HNRNPK: variants seen among roughly 807,000 people sequenced by gnomAD.
The protein encoded by HNRNPK is heterogeneous nuclear ribonucleoprotein K, also known as dC-stretch binding protein.
A neutral mutation model predicts 67.0 loss-of-function variants in HNRNPK; 7 were observed. That is an observed-to-expected ratio of 0.10 (90% CI 0.06 to 0.20). The LOEUF is 0.20. Among genes scored for constraint, HNRNPK ranks in the 10% least tolerant of loss-of-function variants. The probability of loss-of-function intolerance (pLI) is 1.00; values close to 1 mark genes in which losing one functional copy is unlikely to be tolerated. For missense variants in HNRNPK, 264 were observed against 606.5 expected (o/e 0.44, Z 5.93); for synonymous variants, 213 against 193.7 (o/e 1.10, Z -0.83).
chr9:83,977,182 A>G (rs1230758914), intron 4 of HNRNPK, 131 bp from the exon 5 acceptor site: 11 of 669,250 alleles, frequency 1.6e-5, no homozygotes, highest in Middle Eastern at 5.0e-4. Context: ...TGGGGTTGTA[A>G]AAACGACCAG....
Position 83,976,173 on chromosome 9 carries a change from A to T in HNRNPK, c.214-668T>A, listed in dbSNP as rs1392099620. Among the ~76,000 whole-genome samples, 5 of 152,232 alleles carry T rather than the reference A, an allele frequency of 3.3e-5. No homozygotes were observed. In the South Asian group the frequency reaches 1.0e-3, roughly 32 times the overall value. ...CTAACAGGCAAGTTTGTAAAATTTT[A>T]AACAAATTTTCAAGTTCAGTTTACA... On this transcript the variant is annotated intron_variant, in intron 5 of 16. Coordinates refer to ENST00000376263, the MANE Select transcript of HNRNPK (RefSeq NM_031263.4).
Position 83,968,230 on chromosome 9 carries a change from A to G in HNRNPK, c.*1177T>C, listed in dbSNP as rs1332330250. ...GAAGTGAATTTTAACTATCAATACA[A>G]ATGCCAAGATACTACACAAAACATC... On this transcript the variant is annotated 3_prime_UTR_variant, in exon 17 of 17. Transcript: ENST00000376263. 3 of 152,386 alleles carry G rather than the reference A, an allele frequency of 2.0e-5. No individual in the cohort carries two copies. Among genetic ancestry groups the G allele is most frequent in the African/African-American group, 7.2e-5 (3 of 41,394 alleles). 9.4% of individuals were successfully genotyped at this position (152,386 alleles called of 1,614,324 possible).
At position 83,973,983 on chromosome 9, in the gene HNRNPK, G is replaced by C; in HGVS notation, c.331-10C>G. The C allele has an allele frequency of 6.2e-7, 1 of 1,603,462 alleles. No individual in the cohort carries two copies. Among genetic ancestry groups the C allele is most frequent in the Non-Finnish European group, 8.5e-7 (1 of 1,170,464 alleles). ...ATGGCAACTGCAGGCCCTGAAAGTA[G>C]AAAAATAAGAGTAATAGGTTAAGTG... On this transcript the variant is annotated splice_polypyrimidine_tract_variant and intron_variant, in intron 7 of 16. Coordinates refer to ENST00000376263, the MANE Select transcript of HNRNPK (RefSeq NM_031263.4).
At chr9:83,977,903 G>C (rs1312313697) in intron 3 of HNRNPK, 117 bp from the exon 4 acceptor site, 10 of 663,102 alleles carry the variant, frequency 1.5e-5, no homozygotes, top group Non-Finnish European at 2.1e-5. Context: ...CAAAGGCATT[G>C]CTACAGACTT....
chr9:83,972,649 C>A (rs984679115), intron 10 of HNRNPK, among the ~76,000 whole-genome samples, 195 bp downstream of exon 10: 1 of 152,196 alleles, frequency 6.6e-6, no homozygotes, highest in Admixed American at 6.5e-5. Flanking sequence ...TATAGAAATA[C>A]CACCAACAAA....
chr9:83,978,122 G>T, intron 3 of HNRNPK, 73 bp downstream of exon 3: 1 of 952,142 alleles, frequency 1.1e-6, no homozygotes, highest in Non-Finnish European at 1.7e-6. Context: ...CACTCCTAAG[G>T]CAATAATTAA....
At chr9:83,975,746 A>G in intron 5 of HNRNPK, 1 of 577,814 alleles carries the variant, frequency 1.7e-6, no homozygotes, top group Non-Finnish European at 3.1e-6. Context: ...GAAAAGGGGG[A>G]AAAGCAATAA....
rs762768144 is a variant in HNRNPK at position 83,971,776 on chromosome 9, TATCAA to T, written c.954-55_954-51del. 6.9e-6 allele frequency: 11 copies of T among 1,597,902 alleles called. No homozygotes were observed. In the Admixed American group the frequency reaches 8.4e-5, roughly 12 times the overall value. ...TCTAAACGTGCTTACATGCCACACA[TATCAA>T]ATCAAAGTCTACCTTGTCTACCACT... On this transcript the variant is annotated intron_variant, in intron 11 of 16. Coordinates refer to ENST00000376263, the MANE Select transcript of HNRNPK (RefSeq NM_031263.4).
intron 5 of HNRNPK, 153 bp from the exon 6 acceptor site, chr9:83,975,658 G>C: frequency 1.4e-6 from 1 of 720,846 alleles, no homozygotes; most frequent in South Asian, 1.5e-5. Context: ...ATGGGCCAAC[G>C]TCATGGTGGG....
At chr9:83,971,015 C>T (rs1211150248) in intron 13 of HNRNPK, 103 bp from the exon 14 acceptor site, 3 of 1,205,738 alleles carry the variant, frequency 2.5e-6, no homozygotes, top group African/African-American at 1.5e-5. Flanking sequence ...CTATGTTGCC[C>T]AGGCTGGTCT....
At chr9:83,971,570 G>C (rs1956843573) in intron 12 of HNRNPK, 102 bp downstream of exon 12, 1 of 999,964 alleles carries the variant, frequency 1.0e-6, no homozygotes, top group Non-Finnish European at 1.5e-6. Flanking sequence ...AAATTTACTT[G>C]TAAGAAAAAC....
At position 83,969,230 on chromosome 9, in the gene HNRNPK, C is replaced by G; in HGVS notation, c.*177G>C. 1.5e-6 allele frequency: 1 copy of G among 675,414 alleles called. No homozygotes were observed. Among genetic ancestry groups the G allele is most frequent in the African/African-American group, 1.8e-5 (1 of 55,218 alleles). The allele number at this position is 675,414 out of a possible 1,614,324, so 41.8% of individuals were successfully genotyped here. On this transcript the variant is annotated 3_prime_UTR_variant, in exon 17 of 17. Transcript: ENST00000376263. The stretch of plus-strand genomic sequence containing the variant: ...GAACTAAAACATTACATCTGGTGAA[C>G]AGCAAAGATTTCACTACACCTCAAA...
intron 6 of HNRNPK, 103 bp downstream of exon 6, chr9:83,975,359 A>G: frequency 9.6e-7 from 1 of 1,036,872 alleles, no homozygotes; most frequent in Non-Finnish European, 1.5e-6. Flanking sequence ...GAAAAACAAT[A>G]CACCGTCTAA....
At position 83,976,833 on chromosome 9, in the gene HNRNPK, A is replaced by C. The variant is rs76368609; in HGVS notation, c.213+162T>G. On this transcript the variant is annotated intron_variant, in intron 5 of 16. Transcript: ENST00000376263. ...CCCTGCTCAATCTGGGCTTTTGTTA[A>C]AACAGGAATGGATAACTTCGAAATC... 0.014 allele frequency: 6,725 copies of C among 489,196 alleles called. 388 individuals are homozygous for C. The highest frequency in any genetic ancestry group is 0.12 in the African/African-American group (6,028 of 51,346). 30.3% of individuals were successfully genotyped at this position (489,196 alleles called of 1,614,324 possible).
At chr9:83,969,637 A>AC in intron 16 of HNRNPK, 197 bp from the exon 17 acceptor site, 1 of 619,422 alleles carries the variant, frequency 1.6e-6, no homozygotes, top group East Asian at 2.7e-5. Context: ...ATCGGACATT[A>AC]GTAGAACAGA....
At chr9:83,977,836 T>A (rs762968693) in intron 3 of HNRNPK, 50 bp from the exon 4 acceptor site, 1 of 1,139,460 alleles carries the variant, frequency 8.8e-7, no homozygotes, top group South Asian at 1.3e-5. Flanking sequence ...GTCTCCAAAG[T>A]AACTCCATTC....
At chr9:83,971,473 A>G in intron 12 of HNRNPK, 117 bp from the exon 13 acceptor site, 1 of 823,916 alleles carries the variant, frequency 1.2e-6, no homozygotes. Flanking sequence ...TATAGGCAGC[A>G]ATTTTGTAAT....
chr9:83,976,047 G>A (rs1275840476), intron 5 of HNRNPK, among the ~76,000 whole-genome samples: 1 of 152,102 alleles, frequency 6.6e-6, no homozygotes, highest in East Asian at 1.9e-4. Flanking sequence ...TAAGAGGAGA[G>A]AGGTTTATAA....
intron 4 of HNRNPK, 45 bp downstream of exon 4, chr9:83,977,644 C>G (rs1460157116): frequency 8.8e-7 from 1 of 1,141,016 alleles, no homozygotes; most frequent in Non-Finnish European, 1.3e-6. Flanking sequence ...TTAATTTCTA[C>G]CTGAGTATGA....
Sources: allele counts gnomAD v4.1 joint callset (sites outside exome capture counted in the v4.1 genomes callset), GRCh38; gene constraint gnomAD v4.1.1; transcripts MANE v1.5; gene names NCBI Gene and HGNC (gene_info 2026-07-23, HGNC 2026-07-21).